PPM1L: variants seen among roughly 807,000 people sequenced by gnomAD.
PPM1L encodes the protein protein phosphatase, Mg2+/Mn2+ dependent 1L.
In PPM1L, 13 loss-of-function variants were observed where a neutral mutation model predicts 31.4. The observed-to-expected ratio is 0.41, with a 90% CI of 0.27 to 0.66. The LOEUF is 0.66. PPM1L is among the 30% of genes least tolerant of loss of function. The pLI is 0.29. For missense variants in PPM1L, 326 were observed against 453.7 expected (o/e 0.72, Z 2.56); for synonymous variants, 184 against 175.4 (o/e 1.05, Z -0.39).
chr3:160,760,230 T>C (rs757062714), intron 1 of PPM1L, among the ~76,000 whole-genome samples: 6 of 152,246 alleles, frequency 3.9e-5, no homozygotes, highest in Non-Finnish European at 8.8e-5. Context: ...GTGTAAATTT[T>C]CTTACTAGTC....
chr3:160,924,936 A>T (rs548442445), intron 1 of PPM1L, among the ~76,000 whole-genome samples: 1 of 152,382 alleles, frequency 6.6e-6, no homozygotes, highest in East Asian at 1.9e-4. Flanking sequence ...CTTTACTGAC[A>T]TAAAACCTCA....
intron 1 of PPM1L, among the ~76,000 whole-genome samples, chr3:160,832,421 T>G (rs901649350): frequency 1.3e-5 from 2 of 152,150 alleles, no homozygotes; most frequent in South Asian, 2.1e-4. Context: ...TGGTATACTC[T>G]TGGAGTTATG....
chr3:160,853,446 C>T (rs1711586250), intron 1 of PPM1L, among the ~76,000 whole-genome samples: 1 of 152,044 alleles, frequency 6.6e-6, no homozygotes, highest in Non-Finnish European at 1.5e-5. Flanking sequence ...TTCCCTTTCC[C>T]AGTAATCAAC....
Position 160,991,288 on chromosome 3 carries a change from T to C in PPM1L, c.574+29378T>C, listed in dbSNP as rs1425876281. On this transcript the variant is annotated intron_variant, in intron 2 of 3. Transcript: ENST00000498165. ...TTTTGAATGTTTTTGGTTCCTTTTC[T>C]TTGGATTTGAGATGTTGAGAGCCCC... is the stretch of plus-strand genomic sequence containing the variant. Among the ~76,000 whole-genome samples, 6 of 152,116 alleles carry C rather than the reference T, an allele frequency of 3.9e-5. No individual in the cohort carries two copies. In the East Asian group the frequency reaches 1.2e-3, roughly 29 times the overall value.
At chr3:160,829,412 T>A (rs1174979134) in intron 1 of PPM1L, among the ~76,000 whole-genome samples, 1 of 152,138 alleles carries the variant, frequency 6.6e-6, no homozygotes, top group East Asian at 1.9e-4. Flanking sequence ...ATTTCCAGGC[T>A]TTGTCCCATT....
In PPM1L at chr3:161,003,785, A is replaced by G. The variant is rs771572986; in HGVS notation, c.574+41875A>G. 9.0e-3 allele frequency among the ~76,000 whole-genome samples: 1,374 copies of G among 151,986 alleles called. 13 individuals carry two copies. Among genetic ancestry groups the G allele is most frequent in the Admixed American group, 0.015 (234 of 15,272 alleles). Reference sequence around the variant, plus strand: ...AGATATACAATCATGTCGTCTGCAAACAGGGACAATTTGACTTCCTCTTTT... The same window carrying G: ...AGATATACAATCATGTCGTCTGCAAGCAGGGACAATTTGACTTCCTCTTTT... On this transcript the variant is annotated intron_variant, in intron 2 of 3. Transcript: ENST00000498165.
intron 2 of PPM1L, among the ~76,000 whole-genome samples, chr3:161,065,077 T>G (rs1452210294): frequency 6.6e-6 from 1 of 152,112 alleles, no homozygotes; most frequent in Non-Finnish European, 1.5e-5. Context: ...TGTGTATCAG[T>G]TGACTGAAAC....
rs1161780059 is a variant in PPM1L, at chr3:161,076,962, T to TAA, written c.*7805_*7806insAA. On this transcript the variant is annotated 3_prime_UTR_variant, in exon 4 of 4. Transcript: ENST00000498165. ...CTATTATTGCTGTGTGTTTGTATATTTTATTCTTTCCTTTTTTGTGTGAGC... is the reference window on the plus strand; with the variant it reads ...CTATTATTGCTGTGTGTTTGTATATTAATTATTCTTTCCTTTTTTGTGTGAGC... 5 of 152,204 alleles carry TAA rather than the reference T, an allele frequency of 3.3e-5. No individual in the cohort carries two copies. The highest frequency in any genetic ancestry group is 1.2e-4 in the African/African-American group (5 of 41,450). The allele number at this position is 152,204 out of a possible 1,614,324, so 9.4% of individuals were successfully genotyped here. A position where few individuals can be genotyped will look rare whatever the true frequency, so the allele number is the denominator to read the frequency against.
At chr3:161,047,117 G>A (rs1576805076) in intron 2 of PPM1L, among the ~76,000 whole-genome samples, 1 of 152,240 alleles carries the variant, frequency 6.6e-6, no homozygotes, top group East Asian at 1.9e-4. Context: ...AAGAAATAAA[G>A]GGTATTCAGC....
intron 1 of PPM1L, among the ~76,000 whole-genome samples, chr3:160,925,546 G>C (rs1714556940): frequency 6.6e-6 from 1 of 152,070 alleles, no homozygotes; most frequent in African/African-American, 2.4e-5. Context: ...TTCTCAGGAG[G>C]CTGTTTTACT....
At position 160,865,780 on chromosome 3, in the gene PPM1L, T is replaced by G. The variant is rs562622161; in HGVS notation, c.400-95956T>G. Among the ~76,000 whole-genome samples, 9 of 152,284 alleles carry G rather than the reference T, an allele frequency of 5.9e-5. No homozygotes were observed. In the South Asian group the frequency reaches 1.9e-3, roughly 32 times the overall value. On this transcript the variant is annotated intron_variant, in intron 1 of 3. Coordinates refer to ENST00000498165, the MANE Select transcript of PPM1L (RefSeq NM_139245.4). ...ACAGAGTGAGACTCCGTCTCATAAA[T>G]AAATAACTAGGTTATAAGACAAATT...
intron 1 of PPM1L, among the ~76,000 whole-genome samples, chr3:160,840,248 A>G (rs1713831314): frequency 1.3e-5 from 2 of 152,150 alleles, no homozygotes; most frequent in Non-Finnish European, 1.5e-5. Flanking sequence ...TGAAATTGAG[A>G]TATTTCTGGA....
chr3:160,906,205 T>C (rs1713751383), intron 1 of PPM1L, among the ~76,000 whole-genome samples: 2 of 152,174 alleles, frequency 1.3e-5, no homozygotes, highest in African/African-American at 4.8e-5. Flanking sequence ...AGGTGAGGTG[T>C]CTGGATCAGT....
chr3:160,816,929 A>C (rs534740401), intron 1 of PPM1L, among the ~76,000 whole-genome samples: 1 of 152,236 alleles, frequency 6.6e-6, no homozygotes, highest in Non-Finnish European at 1.5e-5. Flanking sequence ...ATTATTGATT[A>C]GAATAGTGAT....
chr3:160,993,558 C>T (rs1033472167), intron 2 of PPM1L, among the ~76,000 whole-genome samples: 6 of 152,050 alleles, frequency 3.9e-5, no homozygotes, highest in Admixed American at 2.0e-4. Flanking sequence ...CCATCAGTAG[C>T]CCTCTGCTTG....
intron 2 of PPM1L, among the ~76,000 whole-genome samples, chr3:161,006,272 G>T (rs1051324107): frequency 6.6e-6 from 1 of 152,188 alleles, no homozygotes; most frequent in African/African-American, 2.4e-5. Context: ...AATACTGTAT[G>T]AGTCTATTAA....
At chr3:160,800,004 A>G (rs563152711) in intron 1 of PPM1L, among the ~76,000 whole-genome samples, 3 of 152,278 alleles carry the variant, frequency 2.0e-5, no homozygotes, top group South Asian at 2.1e-4. Flanking sequence ...CTTGGTCTGC[A>G]TTTGGTAGTC....
intron 1 of PPM1L, among the ~76,000 whole-genome samples, chr3:160,828,079 C>T (rs1333683030): frequency 6.6e-6 from 1 of 151,998 alleles, no homozygotes. Flanking sequence ...ACGCAAACAC[C>T]TCCCACCAGG....
chr3:160,990,636 T>C (rs1717103890), intron 2 of PPM1L, among the ~76,000 whole-genome samples: 1 of 152,192 alleles, frequency 6.6e-6, no homozygotes, highest in Non-Finnish European at 1.5e-5. Context: ...CAATTCCTCT[T>C]TGTGAAGTTC....
Sources: allele counts gnomAD v4.1 joint callset (sites outside exome capture counted in the v4.1 genomes callset), GRCh38; gene constraint gnomAD v4.1.1; transcripts MANE v1.5; gene names NCBI Gene and HGNC (gene_info 2026-07-23, HGNC 2026-07-21).